The following NOX3 variants were observed in gnomAD, a reference collection of about 807,000 sequenced individuals.
NOX3 encodes NADPH oxidase catalytic subunit-like 3.
In NOX3, 74 loss-of-function variants were observed where a neutral mutation model predicts 76.7. The observed-to-expected ratio is 0.96, with a 90% CI of 0.80 to 1.17. NOX3 has a LOEUF of 1.17. Ranked by LOEUF, NOX3 falls within the 50% of genes most tolerant of loss-of-function variation. NOX3 has a pLI of 0.00. For synonymous variants in NOX3, 263 were observed against 261.1 expected, an observed-to-expected ratio of 1.01 and a Z score of -0.07; for missense variants, 695 against 703.3, an observed-to-expected ratio of 0.99 and a Z score of 0.13.
Position 155,439,971 on chromosome 6 carries a change from G to A in NOX3, c.653C>T (p.Ala218Val). The A allele has an allele frequency of 6.2e-7, 1 of 1,613,668 alleles. No homozygotes were observed. Among genetic ancestry groups the A allele is most frequent in the Non-Finnish European group, 8.5e-7 (1 of 1,179,874 alleles). The part of the protein sequence containing the change: ...HVFIVFFLSL[A>V]IHGTGRIVRG... ...ATGGACTTACCCCGTCCCATGGATG[G>A]CCAGGCTGAGAAAGAAGACGATGAA... Residue 218 changes from alanine to valine, a missense_variant, in exon 6 of 14, where the codon GCC becomes GTC. Physicochemically the swap from Ala to Val is moderately conservative, Grantham distance 64. Transcript: ENST00000159060.
At chr6:155,397,323 C>T (rs1351858943) in intron 12 of NOX3, among the ~76,000 whole-genome samples, 1 of 152,102 alleles carries the variant, frequency 6.6e-6, no homozygotes, top group Admixed American at 6.5e-5. Context: ...AAAATGATTA[C>T]TATTTGGCCC....
chr6:155,438,030 C>G (rs1179688115), intron 6 of NOX3, among the ~76,000 whole-genome samples: 1 of 152,126 alleles, frequency 6.6e-6, no homozygotes, highest in Non-Finnish European at 1.5e-5. Context: ...AAAAATATCT[C>G]CAACGAAACA....
intron 10 of NOX3, among the ~76,000 whole-genome samples, chr6:155,417,572 G>C (rs2294676): frequency 0.11 from 16,396 of 152,152 alleles, 1,057 homozygotes; most frequent in East Asian, 0.2. Flanking sequence ...ATTTCTTTAG[G>C]AGAAGCATGA....
At chr6:155,443,451 C>T (rs748427029) in intron 4 of NOX3, 33 bp from the exon 5 acceptor site, 2 of 1,602,296 alleles carry the variant, frequency 1.2e-6, no homozygotes, top group Non-Finnish European at 8.5e-7. Context: ...AACATGCACC[C>T]TGTGGCTTGC....
chr6:155,408,709 C>T (rs1278706745), intron 11 of NOX3, among the ~76,000 whole-genome samples: 1 of 152,128 alleles, frequency 6.6e-6, no homozygotes. Context: ...ACCTGAGTGT[C>T]CATCAACAGT....
chr6:155,426,895 C>A (rs1359272919), intron 9 of NOX3, among the ~76,000 whole-genome samples: 2 of 151,534 alleles, frequency 1.3e-5, no homozygotes, highest in Non-Finnish European at 2.9e-5. Context: ...ACACACAGGG[C>A]AGAAGCCAGT....
At chr6:155,431,149 T>C (rs1166599901) in intron 7 of NOX3, among the ~76,000 whole-genome samples, 1 of 152,142 alleles carries the variant, frequency 6.6e-6, no homozygotes, top group Non-Finnish European at 1.5e-5. Flanking sequence ...GAGATTAAAC[T>C]CTTCTATATT....
chr6:155,444,037 C>T (rs117921424), intron 4 of NOX3, among the ~76,000 whole-genome samples: 307 of 152,246 alleles, frequency 2.0e-3, no homozygotes, highest in Non-Finnish European at 3.2e-3. Flanking sequence ...GAATACTGTA[C>T]ATTATACATG....
intron 9 of NOX3, among the ~76,000 whole-genome samples, chr6:155,424,482 T>C (rs998521832): frequency 2.0e-5 from 3 of 152,224 alleles, no homozygotes; most frequent in African/African-American, 7.2e-5. Context: ...AATTAAAAGG[T>C]TTCTGAGTTA....
chr6:155,424,532 G>T (rs372426164), intron 9 of NOX3, among the ~76,000 whole-genome samples: 1 of 152,184 alleles, frequency 6.6e-6, no homozygotes, highest in Non-Finnish European at 1.5e-5. Context: ...TGAAGACACC[G>T]GAGGTTGGCC....
chr6:155,407,057 C>T lies in NOX3; in HGVS notation c.1580+73G>A, dbSNP rs868678306. On this transcript the variant is annotated intron_variant, in intron 12 of 13. Coordinates refer to ENST00000159060, the MANE Select transcript of NOX3 (RefSeq NM_015718.3). ...GGAGATATACGGTACTGCAGATTAA[C>T]TTTTCACTCCAGCAGCCCTTGCATT... 68 of 1,563,784 alleles carry T rather than the reference C, an allele frequency of 4.3e-5. 1 individual carries two copies. The South Asian group carries it at 5.9e-4, about 14-fold the overall frequency.
chr6:155,411,630 A>G (rs1385117155), intron 10 of NOX3, among the ~76,000 whole-genome samples: 2 of 152,204 alleles, frequency 1.3e-5, no homozygotes, highest in Non-Finnish European at 2.9e-5. Flanking sequence ...TCAACTCACC[A>G]CATTTCTGGC....
At chr6:155,414,862 A>T (rs1562461149) in intron 10 of NOX3, among the ~76,000 whole-genome samples, 1 of 152,028 alleles carries the variant, frequency 6.6e-6, no homozygotes, top group Non-Finnish European at 1.5e-5. Context: ...TCCTGACCTC[A>T]AGTGATCCAC....
At chr6:155,408,249 T>C (rs924959802) in intron 11 of NOX3, among the ~76,000 whole-genome samples, 1 of 152,138 alleles carries the variant, frequency 6.6e-6, no homozygotes, top group Non-Finnish European at 1.5e-5. Context: ...GCCTCCCAAA[T>C]TGTTGGGATT....
At chr6:155,429,181 C>T in intron 8 of NOX3, 134 bp from the exon 9 acceptor site, 1 of 828,246 alleles carries the variant, frequency 1.2e-6, no homozygotes, top group East Asian at 2.8e-5. Context: ...CTGCTGTTAG[C>T]TCCCAAAGAT....
chr6:155,405,602 T>G (rs1776442707), intron 12 of NOX3, among the ~76,000 whole-genome samples: 1 of 152,158 alleles, frequency 6.6e-6, no homozygotes, highest in South Asian at 2.1e-4. Flanking sequence ...ACTGAACTCC[T>G]GACACCCCAT....
chr6:155,430,973 G>A, intron 7 of NOX3, 38 bp from the exon 8 acceptor site: 1 of 1,235,572 alleles, frequency 8.1e-7, no homozygotes, highest in Non-Finnish European at 1.2e-6. Flanking sequence ...AAAAGGAAAT[G>A]AAAATAGAAT....
At chr6:155,419,790 A>T (rs1359149050) in intron 10 of NOX3, among the ~76,000 whole-genome samples, 3 of 152,136 alleles carry the variant, frequency 2.0e-5, no homozygotes, top group Non-Finnish European at 2.9e-5. Context: ...GAATTTTAAA[A>T]TTTTTGGGGG....
At chr6:155,443,208 T>C in intron 5 of NOX3, 65 bp downstream of exon 5, 2 of 1,491,046 alleles carry the variant, frequency 1.3e-6, no homozygotes, top group Non-Finnish European at 9.1e-7. Flanking sequence ...ATAGCGTTCC[T>C]GATTAGAGGA....
Sources: gnomAD v4.1 joint callset for allele counts (sites outside exome capture counted in the v4.1 genomes callset) on GRCh38, gnomAD v4.1.1 for gene constraint, MANE v1.5 for transcripts, NCBI Gene and HGNC (gene_info 2026-07-23, HGNC 2026-07-21) for gene names.